The following ST3GAL5 variants were observed in gnomAD, a reference collection of about 807,000 sequenced individuals.
The protein encoded by ST3GAL5 is ST3 beta-galactoside alpha-2,3-sialyltransferase 5.
ST3GAL5 carries 25 observed loss-of-function variants against 46.1 expected under a neutral mutation model. That is an observed-to-expected ratio of 0.54 (90% CI 0.40 to 0.76). The LOEUF is 0.76. Among genes scored for constraint, ST3GAL5 ranks in the 30% least tolerant of loss-of-function variants. The pLI is 0.00. For missense variants in ST3GAL5, 431 were observed against 521.2 expected, an observed-to-expected ratio of 0.83 and a Z score of 1.69; for synonymous variants, 182 against 192.7, an observed-to-expected ratio of 0.94 and a Z score of 0.46.
chr2:85,859,367 G>C (rs1055901897), intron 3 of ST3GAL5, among the ~76,000 whole-genome samples: 1 of 152,178 alleles, frequency 6.6e-6, no homozygotes, highest in Admixed American at 6.5e-5. Context: ...CAAAAACAGA[G>C]ACAGGATGTC....
At chr2:85,875,989 G>A (rs1350325236) in intron 1 of ST3GAL5, among the ~76,000 whole-genome samples, 2 of 152,110 alleles carry the variant, frequency 1.3e-5, no homozygotes, top group African/African-American at 4.8e-5. Context: ...CCCTAAACTA[G>A]GTTTTAAAAG....
intron 3 of ST3GAL5, among the ~76,000 whole-genome samples, chr2:85,856,626 G>A (rs1018971732): frequency 9.9e-5 from 15 of 151,820 alleles, no homozygotes; most frequent in African/African-American, 1.9e-4. Context: ...CTGGAGTGCA[G>A]TGGCATGATT....
chr2:85,862,978 C>T lies in ST3GAL5; in HGVS notation c.206+384G>A, dbSNP rs529144672. ...ATCATTTTTAGTATTCGATATTTAACAGTATTCAAGGGCCTTCAGGGAAAT... is the reference window on the plus strand; with the variant it reads ...ATCATTTTTAGTATTCGATATTTAATAGTATTCAAGGGCCTTCAGGGAAAT... On this transcript the variant is annotated intron_variant, in intron 2 of 6. Transcript: ENST00000638572. 2.3e-4 allele frequency among the ~76,000 whole-genome samples: 35 copies of T among 152,288 alleles called. 2 individuals are homozygous for T. Among genetic ancestry groups the T allele is most frequent in the African/African-American group, 8.4e-4 (35 of 41,550 alleles).
At chr2:85,851,928 C>T (rs938881627) in intron 3 of ST3GAL5, among the ~76,000 whole-genome samples, 4 of 152,240 alleles carry the variant, frequency 2.6e-5, no homozygotes, top group Non-Finnish European at 5.9e-5. Flanking sequence ...GCTGCGCTTG[C>T]AGGTTGCCCA....
At chr2:85,874,240 C>G (rs1233195829) in intron 1 of ST3GAL5, among the ~76,000 whole-genome samples, 2 of 152,202 alleles carry the variant, frequency 1.3e-5, no homozygotes, top group Non-Finnish European at 2.9e-5. Flanking sequence ...CAATTGCCTG[C>G]TTTTTATAAA....
intron 1 of ST3GAL5, among the ~76,000 whole-genome samples, chr2:85,881,946 G>C (rs1687204187): frequency 6.6e-6 from 1 of 152,248 alleles, no homozygotes; most frequent in South Asian, 2.1e-4. Flanking sequence ...CAGGCCTGGA[G>C]GCCCAGGAGG....
Position 85,846,453 on chromosome 2 carries a change from T to G in ST3GAL5, c.773A>C (p.Asn258Thr). ...APLSDLEYYS[N>T]DLFVAVLFKS... ...AAATAAAACAGCAACAAATAAGTCATTGGAATAATATTCAAGGTCAGACAG... is the reference window on the plus strand; with the variant it reads ...AAATAAAACAGCAACAAATAAGTCAGTGGAATAATATTCAAGGTCAGACAG... The change falls in exon 5 of 7, where the codon AAT becomes ACT. Residue 258 changes from asparagine (N) to threonine (T), a missense_variant. Physicochemically the swap from Asn to Thr is moderately conservative, Grantham distance 65. Transcript: ENST00000638572. The G allele has an allele frequency of 6.2e-7, 1 of 1,614,188 alleles. No homozygotes were observed. Among genetic ancestry groups the G allele is most frequent in the South Asian group, 1.1e-5 (1 of 91,076 alleles).
chr2:85,853,014 G>A (rs1683702848), intron 3 of ST3GAL5: 1 of 1,304,052 alleles, frequency 7.7e-7, no homozygotes. Flanking sequence ...CAGAGTCCGA[G>A]AGAAGACGAT....
intron 1 of ST3GAL5, among the ~76,000 whole-genome samples, chr2:85,886,079 A>C (rs1237470208): frequency 6.6e-6 from 1 of 152,194 alleles, no homozygotes; most frequent in East Asian, 1.9e-4. Context: ...AACATGCTTC[A>C]ACCATGGGCA....
chr2:85,884,099 C>T (rs1034747019), intron 1 of ST3GAL5, among the ~76,000 whole-genome samples: 2 of 152,176 alleles, frequency 1.3e-5, no homozygotes, highest in South Asian at 2.1e-4. Flanking sequence ...AGCTCTGCCC[C>T]CTATGGCTTC....
chr2:85,864,601 AG>A (rs1685090190), intron 1 of ST3GAL5, among the ~76,000 whole-genome samples: 1 of 151,478 alleles, frequency 6.6e-6, no homozygotes, highest in African/African-American at 2.4e-5. Context: ...AAAAAGAAAA[AG>A]AGAGAATATG....
In ST3GAL5 at chr2:85,861,229, T is replaced by C; in HGVS notation, c.270A>G (p.Glu90=). The change falls in exon 3 of 7, where the codon GAA becomes GAG. Residue 90 remains glutamate (E), a synonymous_variant. Coordinates refer to ENST00000638572, the MANE Select transcript of ST3GAL5 (RefSeq NM_003896.4). ...LYILKLNYTT[E]ECDMKKMHYV... Reference sequence around the variant, plus strand: ...AATGCATTTTTTTCATGTCACATTCTTCAGTAGTATAATTTAACTTGAGGA... The same window carrying C: ...AATGCATTTTTTTCATGTCACATTCCTCAGTAGTATAATTTAACTTGAGGA... 1.2e-6 allele frequency: 2 copies of C among 1,613,694 alleles called. No individual in the cohort carries two copies. Among genetic ancestry groups the C allele is most frequent in the Non-Finnish European group, 1.7e-6 (2 of 1,179,742 alleles).
At chr2:85,863,981 C>T (rs993740347) in intron 1 of ST3GAL5, among the ~76,000 whole-genome samples, 36 of 152,174 alleles carry the variant, frequency 2.4e-4, no homozygotes, top group Non-Finnish European at 2.9e-5. Context: ...GCTGGGATTA[C>T]ATGCATGAGC....
At chr2:85,851,336 GTCC>G in intron 3 of ST3GAL5, 1 of 1,169,786 alleles carries the variant, frequency 8.5e-7, no homozygotes, top group Non-Finnish European at 1.1e-6. Flanking sequence ...GTTTCTACAT[GTCC>G]TGGCAACGTC....
At chr2:85,870,577 T>C (rs1223830540) in intron 1 of ST3GAL5, among the ~76,000 whole-genome samples, 7 of 152,198 alleles carry the variant, frequency 4.6e-5, no homozygotes, top group African/African-American at 1.7e-4. Flanking sequence ...AAATTATATT[T>C]CTCTACCCAC....
intron 1 of ST3GAL5, among the ~76,000 whole-genome samples, chr2:85,864,037 T>C (rs1685014219): frequency 6.6e-6 from 1 of 152,088 alleles, no homozygotes; most frequent in East Asian, 1.9e-4. Flanking sequence ...GACAAAATTA[T>C]AGAAAGGGAG....
Position 85,888,852 on chromosome 2 carries a change from G to C in ST3GAL5, c.54C>G (p.Thr18=). ...CAERRPLQPR[T]EAAAAPAGRA... is the part of the protein sequence containing the mutation. ...GGCCGGCAGGTGCCGCCGCTGCCTC[G>C]GTCCGCGGCTGCAGGGGACGCCGCT... Residue 18 remains threonine, a synonymous_variant, in exon 1 of 7, where the codon ACC becomes ACG. Coordinates refer to ENST00000638572, the MANE Select transcript of ST3GAL5 (RefSeq NM_003896.4). The C allele has an allele frequency of 2.3e-6, 3 of 1,328,074 alleles. No homozygotes were observed. Among genetic ancestry groups the C allele is most frequent in the Non-Finnish European group, 2.9e-6 (3 of 1,033,728 alleles). 82.3% of individuals were successfully genotyped at this position (1,328,074 alleles called of 1,614,324 possible).
chr2:85,881,281 C>T (rs1687120037), intron 1 of ST3GAL5, among the ~76,000 whole-genome samples: 1 of 152,120 alleles, frequency 6.6e-6, no homozygotes, highest in South Asian at 2.1e-4. Context: ...ATGTCTTTAT[C>T]AGCAGTGTGA....
At chr2:85,880,576 C>T (rs1687035222) in intron 1 of ST3GAL5, among the ~76,000 whole-genome samples, 1 of 152,186 alleles carries the variant, frequency 6.6e-6, no homozygotes, top group African/African-American at 2.4e-5. Context: ...GTAATCCCAG[C>T]ACTTTGGGAG....
Sources: allele counts gnomAD v4.1 joint callset (sites outside exome capture counted in the v4.1 genomes callset), GRCh38; gene constraint gnomAD v4.1.1; transcripts MANE v1.5; gene names NCBI Gene and HGNC (gene_info 2026-07-23, HGNC 2026-07-21).